PCNX1: variants seen among roughly 807,000 people sequenced by gnomAD.
The protein encoded by PCNX1 is pecanex-like protein 1.
Under a neutral mutation model 242.2 loss-of-function variants are expected in PCNX1, and 78 were observed. The ratio of observed to expected loss-of-function variants is 0.32; its 90% CI spans 0.27 to 0.39. The LOEUF (loss-of-function observed/expected upper bound fraction) is 0.39. PCNX1 is among the 10% of genes least tolerant of loss of function. The pLI is 1.00. For synonymous variants in PCNX1, 1,024 were observed against 1,032.9 expected, an observed-to-expected ratio of 0.99 and a Z score of 0.17; for missense variants, 2,581 against 2,856.5, an observed-to-expected ratio of 0.90 and a Z score of 2.20.
At chr14:70,996,049 TAG>T in intron 8 of PCNX1, 124 bp downstream of exon 8, 1 of 701,500 alleles carries the variant, frequency 1.4e-6, no homozygotes, top group African/African-American at 1.7e-5. Flanking sequence ...ACTTTTTACA[TAG>T]GATTTACCCT....
At chr14:71,097,601 C>T (rs754799786) in intron 30 of PCNX1, among the ~76,000 whole-genome samples, 24 of 152,060 alleles carry the variant, frequency 1.6e-4, no homozygotes, top group Non-Finnish European at 2.6e-4. Flanking sequence ...TTTTGAGGAG[C>T]ATCTGTTCTT....
intron 24 of PCNX1, chr14:71,053,391 C>G (rs2061093582): frequency 2.4e-6 from 1 of 413,360 alleles, no homozygotes; most frequent in African/African-American, 2.1e-5. Flanking sequence ...CATCTTGATT[C>G]ACTGCAACCT....
In PCNX1 at chr14:71,065,014, A is replaced by G. The variant is rs1317197484; in HGVS notation, c.4852+7290A>G. On this transcript the variant is annotated intron_variant, in intron 26 of 35. Transcript: ENST00000304743. ...ATGCCACATTTTCTTTATCCAGTCT[A>G]TCATTGATGGGCATTTGTGTTGGCT... Among the ~76,000 whole-genome samples, 7 of 152,350 alleles carry G rather than the reference A, an allele frequency of 4.6e-5. No homozygotes were observed. The East Asian group carries it at 5.8e-4, about 13-fold the overall frequency.
At chr14:70,908,539 C>T (rs2055676687) in intron 1 of PCNX1, among the ~76,000 whole-genome samples, 1 of 152,236 alleles carries the variant, frequency 6.6e-6, no homozygotes, top group African/African-American at 2.4e-5. Context: ...CGGCTCTGCT[C>T]CGAGTGTGTG....
intron 1 of PCNX1, among the ~76,000 whole-genome samples, chr14:70,942,061 C>G (rs1054594256): frequency 6.6e-6 from 1 of 152,154 alleles, no homozygotes; most frequent in African/African-American, 2.4e-5. Flanking sequence ...AGGGAATTCT[C>G]CAACCCCTTG....
rs779902546 is a variant in PCNX1 at position 70,946,944 on chromosome 14, A to C, written c.183A>C (p.Ala61=). 6 of 1,613,108 alleles carry C rather than the reference A, an allele frequency of 3.7e-6. No homozygotes were observed. The Admixed American group carries it at 1.0e-4, about 27-fold the overall frequency. ...TTCCTTCTACCATGATTATAGTAGC[A>C]GTTTATTGTCCTGTGATAGCTGCTG... is the stretch of plus-strand genomic sequence containing the variant. The part of the protein sequence containing the change: ...MALPSTMIIV[A]VYCPVIAAVF... Residue 61 remains alanine, a synonymous_variant, in exon 2 of 36, where the codon GCA becomes GCC. Coordinates refer to ENST00000304743, the MANE Select transcript of PCNX1 (RefSeq NM_014982.3).
intron 3 of PCNX1, among the ~76,000 whole-genome samples, chr14:70,966,948 A>T (rs2058398816): frequency 6.6e-6 from 1 of 152,192 alleles, no homozygotes; most frequent in South Asian, 2.1e-4. Flanking sequence ...AATGTCTTTT[A>T]TGGCTAATTG....
chr14:71,091,918 G>C lies in PCNX1; in HGVS notation c.5589+2576G>C, dbSNP rs73297507. ...CTAATCATCTCTGTGTGAGCAGTTCGCCTTTCCAGTAAATTGTGTATTTCA... is the reference window on the plus strand; with the variant it reads ...CTAATCATCTCTGTGTGAGCAGTTCCCCTTTCCAGTAAATTGTGTATTTCA... On this transcript the variant is annotated intron_variant, in intron 30 of 35. Transcript: ENST00000304743. 1.1e-3 allele frequency among the ~76,000 whole-genome samples: 165 copies of C among 152,308 alleles called. 1 individual carries two copies. Among genetic ancestry groups the C allele is most frequent in the African/African-American group, 3.7e-3 (155 of 41,566 alleles).
rs116979386 is a variant in PCNX1, at chr14:71,069,503, A to G, written c.4853-4042A>G. ...TTTTATTATGTTGAAAAACATGTGT[A>G]TGTATTACTGGCATACCTTGGAGAT... On this transcript the variant is annotated intron_variant, in intron 26 of 35. Transcript: ENST00000304743. Among the ~76,000 whole-genome samples, 1,367 of 152,298 alleles carry G rather than the reference A, an allele frequency of 9.0e-3. 10 individuals carry two copies. The highest frequency in any genetic ancestry group is 0.012 in the Non-Finnish European group (842 of 68,038).
intron 2 of PCNX1, among the ~76,000 whole-genome samples, chr14:70,955,612 T>C (rs192762106): frequency 8.5e-4 from 130 of 152,286 alleles, no homozygotes; most frequent in African/African-American, 2.6e-3. Flanking sequence ...TAAAGGTAGA[T>C]ATTACCTGAA....
At chr14:70,918,594 T>TA (rs1241401358) in intron 1 of PCNX1, among the ~76,000 whole-genome samples, 2 of 152,218 alleles carry the variant, frequency 1.3e-5, no homozygotes, top group Non-Finnish European at 2.9e-5. Context: ...AAAATGGTGC[T>TA]GATAGAGACA....
At position 70,978,292 on chromosome 14, in the gene PCNX1, G is replaced by A. The variant is rs920452619; in HGVS notation, c.1955G>A (p.Arg652Lys). ...ALKTKHTHKERGTDSEHTHKA... is the reference protein window; with the variant it reads ...ALKTKHTHKEKGTDSEHTHKA... The stretch of plus-strand genomic sequence containing the variant: ...AAGACCAAACACACTCATAAAGAAA[G>A]GGGCACAGACTCTGAACACACACAC... Residue 652 changes from arginine to lysine, a missense_variant, in exon 6 of 36, where the codon AGG becomes AAG. Physicochemically the swap from Arg to Lys is conservative, Grantham distance 26. Coordinates refer to ENST00000304743, the MANE Select transcript of PCNX1 (RefSeq NM_014982.3). 6.2e-6 allele frequency: 10 copies of A among 1,614,006 alleles called. No homozygotes were observed. The highest frequency in any genetic ancestry group is 3.3e-5 in the Admixed American group (2 of 59,992).
chr14:71,109,107 T>C (rs2062700318), intron 34 of PCNX1, 61 bp downstream of exon 34: 10 of 1,349,278 alleles, frequency 7.4e-6, no homozygotes, highest in South Asian at 2.9e-5. Flanking sequence ...TTATTTCTTA[T>C]TTGTTGAATG....
chr14:70,946,763 G>A (rs1185095929), intron 1 of PCNX1, 152 bp from the exon 2 acceptor site: 3 of 605,022 alleles, frequency 5.0e-6, no homozygotes, highest in South Asian at 2.1e-5. Context: ...TTTGCATTGG[G>A]CATTGAAGCT....
chr14:70,920,008 T>C (rs2056317656), intron 1 of PCNX1, among the ~76,000 whole-genome samples: 2 of 152,028 alleles, frequency 1.3e-5, no homozygotes, highest in Admixed American at 6.6e-5. Context: ...ATCACAACTT[T>C]GAGAAGCTTG....
chr14:71,061,717 A>T (rs1595405045), intron 26 of PCNX1, among the ~76,000 whole-genome samples: 1 of 152,208 alleles, frequency 6.6e-6, no homozygotes, highest in South Asian at 2.1e-4. Flanking sequence ...TGTGACTTCA[A>T]AGGATTTGCC....
intron 17 of PCNX1, 118 bp downstream of exon 17, chr14:71,033,656 A>G (rs536750383): frequency 2.7e-4 from 169 of 616,926 alleles, no homozygotes; most frequent in African/African-American, 2.5e-3. Context: ...GGCCTAATCT[A>G]TATTAAGTTT....
intron 8 of PCNX1, among the ~76,000 whole-genome samples, chr14:70,999,883 A>T (rs1303222495): frequency 6.6e-6 from 1 of 152,188 alleles, no homozygotes; most frequent in Admixed American, 6.5e-5. Flanking sequence ...ATACTACTCT[A>T]GCATTTTGGG....
intron 7 of PCNX1, among the ~76,000 whole-genome samples, chr14:70,994,522 T>A (rs1450794684): frequency 6.7e-6 from 1 of 150,068 alleles, no homozygotes; most frequent in Non-Finnish European, 1.5e-5. Flanking sequence ...ACAATTACAT[T>A]GAATTCAAAG....
Sources: gnomAD v4.1 joint callset for allele counts (sites outside exome capture counted in the v4.1 genomes callset) on GRCh38, gnomAD v4.1.1 for gene constraint, MANE v1.5 for transcripts, NCBI Gene and HGNC (gene_info 2026-07-23, HGNC 2026-07-21) for gene names.